The following ASXL3 variants were observed in gnomAD, a reference collection of about 807,000 sequenced individuals.
ASXL3 encodes putative Polycomb group protein ASXL3.
In ASXL3, 34 loss-of-function variants were observed where a neutral mutation model predicts 170.6. The ratio of observed to expected loss-of-function variants is 0.20; its 90% CI spans 0.15 to 0.27. The LOEUF is 0.27. ASXL3 is among the 10% of genes least tolerant of loss of function. The pLI, the probability that ASXL3 is intolerant of heterozygous loss-of-function variation, is 1.00. For missense variants in ASXL3, 2,592 were observed against 2,695.3 expected, an observed-to-expected ratio of 0.96 and a Z score of 0.85; for synonymous variants, 1,002 against 989.1, an observed-to-expected ratio of 1.01 and a Z score of -0.24.
At chr18:33,696,067 G>A (rs2066769234) in intron 8 of ASXL3, among the ~76,000 whole-genome samples, 2 of 152,084 alleles carry the variant, frequency 1.3e-5, no homozygotes, top group Admixed American at 6.6e-5. Flanking sequence ...TTAGTAAGGA[G>A]CATTCTAAGG....
rs139531949 is a variant in ASXL3 at position 33,693,225 on chromosome 18, G to A, written c.879+9657G>A. Among the ~76,000 whole-genome samples, 755 of 152,228 alleles carry A rather than the reference G, an allele frequency of 5.0e-3. 4 individuals carry two copies. The highest frequency in any genetic ancestry group is 8.2e-3 in the Non-Finnish European group (555 of 68,004). On this transcript the variant is annotated intron_variant, in intron 8 of 11. Transcript: ENST00000269197. ...ATGTTTTTGGTATTATGTTTATTGT[G>A]CATTTGAGAATAGCAAAAGATTGGT...
At chr18:33,583,582 C>G (rs908996604) in intron 1 of ASXL3, among the ~76,000 whole-genome samples, 1 of 152,118 alleles carries the variant, frequency 6.6e-6, no homozygotes, top group African/African-American at 2.4e-5. Flanking sequence ...TAAAAATGTA[C>G]TTGAAAGAAT....
Position 33,745,235 on chromosome 18 carries a change from T to C in ASXL3, c.5387T>C (p.Val1796Ala), listed in dbSNP as rs1156639691. 3 of 1,613,834 alleles carry C rather than the reference T, an allele frequency of 1.9e-6. No individual in the cohort carries two copies. Among genetic ancestry groups the C allele is most frequent in the African/African-American group, 2.7e-5 (2 of 74,910 alleles). ...GGTAAAACAGCACCAGAGAGAAACG[T>C]TGAAATTCCGCCCAGCTCTCCAAAT... ...SVGKTAPERN[V>A]EIPPSSPNPD... The change falls in exon 12 of 12, where the codon GTT (valine) becomes GCT (alanine). Residue 1796 changes from valine to alanine, a missense_variant. By Grantham distance (64) the Val-to-Ala change is moderately conservative (BLOSUM62 0). This residue lies in a region of ASXL3 where 2,246 missense variants were observed against 2,219.6 expected (regional missense o/e 1.01). Transcript: ENST00000269197.
intron 2 of ASXL3, among the ~76,000 whole-genome samples, chr18:33,613,429 A>C (rs1009928220): frequency 6.6e-6 from 1 of 152,094 alleles, no homozygotes; most frequent in Non-Finnish European, 1.5e-5. Flanking sequence ...CTTAATAAGG[A>C]ATCCATAATC....
intron 7 of ASXL3, among the ~76,000 whole-genome samples, chr18:33,672,318 GCTT>G (rs1260166835): frequency 6.6e-6 from 1 of 152,090 alleles, no homozygotes; most frequent in African/African-American, 2.4e-5. Context: ...TTTTGTCTAT[GCTT>G]CTTAAAATAT....
intron 1 of ASXL3, among the ~76,000 whole-genome samples, chr18:33,599,800 A>G (rs2065165219): frequency 6.6e-6 from 1 of 152,152 alleles, no homozygotes; most frequent in Non-Finnish European, 1.5e-5. Context: ...ACACTAGTGC[A>G]TTAAAACAAA....
chr18:33,721,850 G>T (rs937883742), intron 8 of ASXL3, among the ~76,000 whole-genome samples: 1 of 151,978 alleles, frequency 6.6e-6, no homozygotes, highest in African/African-American at 2.4e-5. Context: ...AAGTCTATGG[G>T]CATCATTCCA....
chr18:33,718,491 A>C (rs536080510), intron 8 of ASXL3, among the ~76,000 whole-genome samples: 3 of 152,076 alleles, frequency 2.0e-5, no homozygotes, highest in African/African-American at 7.2e-5. Context: ...TTTCATGGTC[A>C]GGAGTCTGGG....
chr18:33,734,003 T>C (rs1175316815), intron 9 of ASXL3, among the ~76,000 whole-genome samples: 7 of 151,666 alleles, frequency 4.6e-5, no homozygotes, highest in African/African-American at 1.7e-4. Context: ...GAATATACGC[T>C]CTTTTATTTG....
chr18:33,608,554 A>T (rs1282951858), intron 2 of ASXL3, among the ~76,000 whole-genome samples: 8 of 152,012 alleles, frequency 5.3e-5, no homozygotes, highest in Non-Finnish European at 1.0e-4. Context: ...GGTTAGGGCC[A>T]TATAGATGAT....
At position 33,578,452 on chromosome 18, in the gene ASXL3, C is replaced by G; in HGVS notation, c.-180C>G. The G allele has an allele frequency of 1.2e-5, 1 of 81,938 alleles. No homozygotes were observed. The highest frequency in any genetic ancestry group is 4.9e-4 in the East Asian group (1 of 2,050). The allele number at this position is 81,938 out of a possible 1,614,324, so 5.1% of individuals were successfully genotyped here. On this transcript the variant is annotated 5_prime_UTR_variant, in exon 1 of 12. Transcript: ENST00000269197. ...TCCACCCCACCCCCTCGCTCCATCCCTCCCACCCGCCGCCGCCGCCGCCGC... is the reference window on the plus strand; with the variant it reads ...TCCACCCCACCCCCTCGCTCCATCCGTCCCACCCGCCGCCGCCGCCGCCGC...
At chr18:33,721,572 A>G (rs2067260859) in intron 8 of ASXL3, among the ~76,000 whole-genome samples, 1 of 152,094 alleles carries the variant, frequency 6.6e-6, no homozygotes, top group African/African-American at 2.4e-5. Context: ...GGCTTTTATT[A>G]TGACATCTAC....
At chr18:33,657,961 T>C (rs1045311105) in intron 4 of ASXL3, among the ~76,000 whole-genome samples, 4 of 152,080 alleles carry the variant, frequency 2.6e-5, no homozygotes, top group Non-Finnish European at 5.9e-5. Flanking sequence ...GGACAGGCTG[T>C]ATTGTGGGAT....
chr18:33,667,819 A>G (rs749536285), intron 5 of ASXL3, among the ~76,000 whole-genome samples: 1 of 152,232 alleles, frequency 6.6e-6, no homozygotes, highest in African/African-American at 2.4e-5. Context: ...AAAATGTGGA[A>G]TAATTAAAAC....
intron 2 of ASXL3, among the ~76,000 whole-genome samples, chr18:33,640,387 T>C (rs1317945022): frequency 6.6e-6 from 1 of 152,018 alleles, no homozygotes; most frequent in African/African-American, 2.4e-5. Flanking sequence ...ATAAGTTCAT[T>C]TGGCCTTGGT....
intron 5 of ASXL3, among the ~76,000 whole-genome samples, chr18:33,666,210 G>T (rs984728859): frequency 3.3e-5 from 5 of 152,110 alleles, no homozygotes; most frequent in African/African-American, 9.7e-5. Flanking sequence ...ATTTAAAGTT[G>T]TTCTACAAGA....
At chr18:33,652,898 C>T (rs1260344170) in intron 4 of ASXL3, among the ~76,000 whole-genome samples, 2 of 151,906 alleles carry the variant, frequency 1.3e-5, no homozygotes, top group Non-Finnish European at 2.9e-5. Context: ...TCAATTGAGA[C>T]ATCAGTTACA....
intron 1 of ASXL3, among the ~76,000 whole-genome samples, chr18:33,597,816 CAA>C (rs1190509744): frequency 5.7e-5 from 7 of 123,274 alleles, no homozygotes; most frequent in African/African-American, 2.2e-4. Context: ...ACAAAAAAAA[CAA>C]AAAACAAACA....
At chr18:33,644,796 TA>T (rs2065895210) in intron 2 of ASXL3, 97 bp from the exon 3 acceptor site, 1 of 671,496 alleles carries the variant, frequency 1.5e-6, no homozygotes, top group Non-Finnish European at 2.3e-6. Context: ...ATTATTTTTT[TA>T]TTTTTTTTAA....
Sources: allele counts gnomAD v4.1 joint callset (sites outside exome capture counted in the v4.1 genomes callset), GRCh38; gene constraint gnomAD v4.1.1; regional missense constraint gnomAD v4.1.1; transcripts MANE v1.5; gene names NCBI Gene and HGNC (gene_info 2026-07-23, HGNC 2026-07-21).